The following SPAG9 variants were observed in gnomAD, a reference collection of about 807,000 sequenced individuals.
SPAG9 encodes C-Jun-amino-terminal kinase-interacting protein 4.
Under a neutral mutation model 166.5 loss-of-function variants are expected in SPAG9, and 35 were observed. The ratio of observed to expected loss-of-function variants is 0.21; its 90% CI spans 0.16 to 0.28. The LOEUF (loss-of-function observed/expected upper bound fraction) is 0.28, where lower values mean the gene tolerates loss of function less well. Among genes scored for constraint, SPAG9 ranks in the 10% least tolerant of loss-of-function variants. The probability of loss-of-function intolerance (pLI) is 1.00; values close to 1 mark genes in which losing one functional copy is unlikely to be tolerated. For synonymous variants in SPAG9, 534 were observed against 565.5 expected, an observed-to-expected ratio of 0.94 and a Z score of 0.79; for missense variants, 1,235 against 1,603.3, an observed-to-expected ratio of 0.77 and a Z score of 3.92.
Position 51,120,109 on chromosome 17 carries a change from C to G in SPAG9, c.303+245G>C, listed in dbSNP as rs1468763196. ...TGTCCTCAGGCCAGGCTGCCGCTTC[C>G]TCCCCGGGCCCTGCCTCCTCCATCT... is the stretch of plus-strand genomic sequence containing the variant. On this transcript the variant is annotated intron_variant, in intron 1 of 29. Coordinates refer to ENST00000262013, the MANE Select transcript of SPAG9 (RefSeq NM_001130528.3). The surrounding 1 kb of genome is among the most constrained non-coding windows in gnomAD (Gnocchi z 4.7). Among the ~76,000 whole-genome samples the G allele has an allele frequency of 6.6e-6, 1 of 152,230 alleles. No homozygotes were observed. Among genetic ancestry groups the G allele is most frequent in the Non-Finnish European group, 1.5e-5 (1 of 68,032 alleles).
chr17:50,973,552 C>A (rs1040846573), intron 28 of SPAG9, among the ~76,000 whole-genome samples: 3 of 152,116 alleles, frequency 2.0e-5, no homozygotes, highest in Non-Finnish European at 4.4e-5. Context: ...TACATAAAAT[C>A]ATTTAATCTT....
intron 1 of SPAG9, among the ~76,000 whole-genome samples, chr17:51,113,369 A>G (rs1329555709): frequency 1.3e-5 from 2 of 148,976 alleles, no homozygotes; most frequent in Non-Finnish European, 3.0e-5. Flanking sequence ...AAAAAAAAAA[A>G]AAGAAAGAAA....
intron 3 of SPAG9, among the ~76,000 whole-genome samples, chr17:51,051,821 C>CTCAA (rs2047193276): frequency 6.6e-6 from 1 of 152,136 alleles, no homozygotes; most frequent in African/African-American, 2.4e-5. Context: ...CTTTCTAAAC[C>CTCAA]TCAATCTGTA....
intron 7 of SPAG9, 31 bp downstream of exon 7, chr17:51,021,127 T>C: frequency 6.4e-7 from 1 of 1,554,760 alleles, no homozygotes; most frequent in Non-Finnish European, 8.9e-7. Context: ...CTGAATACTT[T>C]CCTAGTAAGT....
chr17:51,017,786 C>G (rs570185601), intron 8 of SPAG9, among the ~76,000 whole-genome samples: 1 of 152,044 alleles, frequency 6.6e-6, no homozygotes, highest in South Asian at 2.1e-4. Flanking sequence ...TCATTTAATC[C>G]TCACAACCAT....
At chr17:51,119,033 CAAAAAAAAA>C (rs3079111) in intron 1 of SPAG9, among the ~76,000 whole-genome samples, 3,720 of 96,274 alleles carry the variant, frequency 0.039, 178 homozygotes, top group East Asian at 0.28. Context: ...GACTACGTCT[CAAAAAAAAA>C]AAAAAAAAAA....
rs1281880224 is a variant in SPAG9 at position 51,095,958 on chromosome 17, GATATATATATATAGTGATAT to G, written c.304-16274_304-16255del. Among the ~76,000 whole-genome samples, 22 of 99,250 alleles carry G rather than the reference GATATATATATATAGTGATAT, an allele frequency of 2.2e-4. 1 individual carries two copies. In the South Asian group the frequency reaches 3.3e-3, roughly 15 times the overall value. The allele number at this position is 99,250 out of a possible 152,430, so 65.1% of individuals were successfully genotyped here. A position where few individuals can be genotyped will look rare whatever the true frequency, so the allele number is the denominator to read the frequency against. ...ATAGTGATATAGTTATATATATAGTGATATATATATATAGTGATATATATATATATAGTGATATATATATA... is the reference window on the plus strand; with the variant it reads ...ATAGTGATATAGTTATATATATAGTGATATATATATAGTGATATATATATA... On this transcript the variant is annotated intron_variant, in intron 1 of 29. Coordinates refer to ENST00000262013, the MANE Select transcript of SPAG9 (RefSeq NM_001130528.3).
intron 23 of SPAG9, among the ~76,000 whole-genome samples, chr17:50,985,357 T>C (rs1393809377): frequency 1.3e-5 from 2 of 152,132 alleles, no homozygotes; most frequent in Non-Finnish European, 2.9e-5. Context: ...AGTGAACACA[T>C]AGAAAAGAAC....
intron 7 of SPAG9, among the ~76,000 whole-genome samples, 167 bp downstream of exon 7, chr17:51,020,991 A>C (rs191072620): frequency 6.6e-6 from 1 of 152,098 alleles, no homozygotes; most frequent in Non-Finnish European, 1.5e-5. Flanking sequence ...TTTTTTTCAA[A>C]TATTTTCAAT....
rs553095455 is a variant in SPAG9, at chr17:51,106,158, C to G, written c.303+14196G>C. On this transcript the variant is annotated intron_variant, in intron 1 of 29. Transcript: ENST00000262013. ...ACACACACACACACACACACACTAG[C>G]TGGGCATGATGGCATACACCTGTAG... Among the ~76,000 whole-genome samples the G allele has an allele frequency of 2.0e-5, 3 of 147,468 alleles. No individual in the cohort carries two copies. The East Asian group carries it at 6.1e-4, about 30-fold the overall frequency.
At chr17:51,075,195 CAAAAAAAA>C (rs57533555) in intron 2 of SPAG9, among the ~76,000 whole-genome samples, 2 of 28,966 alleles carry the variant, frequency 6.9e-5, no homozygotes, top group East Asian at 9.5e-4. Flanking sequence ...GACTCCATCT[CAAAAAAAA>C]AAAAAAAAAA....
intron 6 of SPAG9, among the ~76,000 whole-genome samples, chr17:51,028,179 CA>C (rs1259763704): frequency 1.3e-5 from 2 of 150,078 alleles, no homozygotes; most frequent in Non-Finnish European, 1.5e-5. Flanking sequence ...AACATTATTA[CA>C]AAAAAATCAA....
rs200548048 is a variant in SPAG9, at chr17:51,095,945, T to TTATATATATATAGTGA, written c.304-16242_304-16241insTCACTATATATATATA. ...TATAGTGATATATATAGTGATATAGTTATATATATAGTGATATATATATAT... is the reference window on the plus strand; with the variant it reads ...TATAGTGATATATATAGTGATATAGTTATATATATATAGTGATATATATATAGTGATATATATATAT... On this transcript the variant is annotated intron_variant, in intron 1 of 29. Coordinates refer to ENST00000262013, the MANE Select transcript of SPAG9 (RefSeq NM_001130528.3). Among the ~76,000 whole-genome samples, 88 of 110,088 alleles carry TTATATATATATAGTGA rather than the reference T, an allele frequency of 8.0e-4. 2 individuals carry two copies. Among genetic ancestry groups the TTATATATATATAGTGA allele is most frequent in the African/African-American group, 1.2e-3 (28 of 23,336 alleles). 72.2% of individuals were successfully genotyped at this position (110,088 alleles called of 152,430 possible).
At chr17:51,056,547 TAGACTC>T (rs1275852071) in intron 2 of SPAG9, 65 bp from the exon 3 acceptor site, 4 of 1,031,352 alleles carry the variant, frequency 3.9e-6, no homozygotes, top group African/African-American at 3.1e-5. Context: ...AAGTACATGT[TAGACTC>T]AGAATGGGCT....
chr17:51,095,727 G>T (rs1439923756), intron 1 of SPAG9, among the ~76,000 whole-genome samples: 1 of 147,210 alleles, frequency 6.8e-6, no homozygotes, highest in African/African-American at 2.5e-5. Flanking sequence ...TATACATATA[G>T]TGATATATAC....
At chr17:51,063,923 AAAT>A (rs1391128910) in intron 2 of SPAG9, among the ~76,000 whole-genome samples, 1 of 152,118 alleles carries the variant, frequency 6.6e-6, no homozygotes, top group African/African-American at 2.4e-5. Flanking sequence ...AGTAAGTAAA[AAAT>A]AATAATAAAA....
At chr17:51,100,267 T>A (rs1290367911) in intron 1 of SPAG9, among the ~76,000 whole-genome samples, 1 of 152,032 alleles carries the variant, frequency 6.6e-6, no homozygotes. Context: ...ACTGAGCCAA[T>A]TATGGACTGA....
chr17:51,067,555 C>T lies in SPAG9; in HGVS notation c.425-11073G>A, dbSNP rs1251308900. Among the ~76,000 whole-genome samples the T allele has an allele frequency of 3.3e-5, 5 of 152,170 alleles. No homozygotes were observed. In the South Asian group the frequency reaches 1.0e-3, roughly 32 times the overall value. The stretch of plus-strand genomic sequence containing the variant: ...TATCACATAAACCTAAACTTCAAAA[C>T]GATCTCAGGGAAAATTCTAAAACCT... On this transcript the variant is annotated intron_variant, in intron 2 of 29. Coordinates refer to ENST00000262013, the MANE Select transcript of SPAG9 (RefSeq NM_001130528.3).
chr17:51,075,475 A>G (rs1383631773), intron 2 of SPAG9, among the ~76,000 whole-genome samples: 1 of 152,160 alleles, frequency 6.6e-6, no homozygotes, highest in Non-Finnish European at 1.5e-5. Context: ...TAATCACAGA[A>G]GCCAATTACT....
Sources: allele counts gnomAD v4.1 joint callset (sites outside exome capture counted in the v4.1 genomes callset), GRCh38; gene constraint gnomAD v4.1.1; non-coding constraint Gnocchi (gnomAD v3.1); transcripts MANE v1.5; gene names NCBI Gene and HGNC (gene_info 2026-07-23, HGNC 2026-07-21).